ACLY: variants seen among roughly 807,000 people sequenced by gnomAD.
ACLY encodes ATP citrate lyase.
Under a neutral mutation model 133.0 loss-of-function variants are expected in ACLY, and 41 were observed. That is an observed-to-expected ratio of 0.31 (90% confidence interval 0.24 to 0.40). The LOEUF (loss-of-function observed/expected upper bound fraction) is 0.40. Ranked by LOEUF, ACLY falls within the 10% of genes least tolerant of loss-of-function variation. The pLI, the probability that ACLY is intolerant of heterozygous loss-of-function variation, is 1.00. For missense variants in ACLY, 1,046 were observed against 1,453.8 expected, an observed-to-expected ratio of 0.72 and a Z score of 4.56; for synonymous variants, 495 against 549.3, an observed-to-expected ratio of 0.90 and a Z score of 1.38.
At chr17:41,905,751 A>AAGATC (rs1555632537) in intron 8 of ACLY, 93 bp from the exon 9 acceptor site, 2 of 1,506,264 alleles carry the variant, frequency 1.3e-6, no homozygotes, top group East Asian at 4.5e-5. Flanking sequence ...CCCTCAAAAC[A>AAGATC]CTGGAGTTAG....
At chr17:41,925,021 G>T (rs565608889) in intron 1 of ACLY, among the ~76,000 whole-genome samples, 1 of 127,118 alleles carries the variant, frequency 7.9e-6, no homozygotes, top group African/African-American at 2.7e-5. Flanking sequence ...ACTTATCTCT[G>T]AATGAGTTTA....
intron 22 of ACLY, among the ~76,000 whole-genome samples, chr17:41,875,749 T>C (rs1441446308): frequency 2.0e-5 from 3 of 152,236 alleles, no homozygotes; most frequent in Admixed American, 2.0e-4. Flanking sequence ...CAGTGCTCAA[T>C]GGTGCCCAGG....
intron 10 of ACLY, among the ~76,000 whole-genome samples, chr17:41,902,405 G>C (rs137883820): frequency 1.3e-5 from 2 of 152,270 alleles, no homozygotes; most frequent in African/African-American, 4.8e-5. Context: ...GTAGATATGA[G>C]GCTTCACCAT....
At chr17:41,887,893 C>T (rs1434365660) in intron 16 of ACLY, among the ~76,000 whole-genome samples, 190 bp from the exon 17 acceptor site, 1 of 151,872 alleles carries the variant, frequency 6.6e-6, no homozygotes, top group Non-Finnish European at 1.5e-5. Flanking sequence ...TTTGGGAGGC[C>T]GAGGAGGGTG....
chr17:41,920,590 C>CAAAAAA (rs57800581), upstream of ACLY, among the ~76,000 whole-genome samples: 1 of 73,998 alleles, frequency 1.4e-5, no homozygotes. Flanking sequence ...GATTCTATCT[C>CAAAAAA]AAAAAAAAAA....
Position 41,867,553 on chromosome 17 carries a change from C to T in ACLY, c.*257G>A. 3.6e-6 allele frequency: 1 copy of T among 275,412 alleles called. No individual in the cohort carries two copies. The highest frequency in any genetic ancestry group is 5.2e-5 in the Admixed American group (1 of 19,104). The allele number at this position is 275,412 out of a possible 1,614,324, so 17.1% of individuals were successfully genotyped here. A position where few individuals can be genotyped will look rare whatever the true frequency, so the allele number is the denominator to read the frequency against. On this transcript the variant is annotated 3_prime_UTR_variant, in exon 29 of 29. Coordinates refer to ENST00000352035, the MANE Select transcript of ACLY (RefSeq NM_001096.3). ...CTTAGATGCTTCCATATAATAAATA[C>T]AGCAGGTAGCAGAGCAAAGTCACAA... is the stretch of plus-strand genomic sequence containing the variant.
intron 21 of ACLY, 80 bp downstream of exon 21, chr17:41,878,717 C>T: frequency 6.4e-7 from 1 of 1,560,804 alleles, no homozygotes; most frequent in South Asian, 1.1e-5. Context: ...TACATGATGT[C>T]CCTGTGTGGG....
intron 1 of ACLY, among the ~76,000 whole-genome samples, chr17:41,916,148 A>G (rs1354004287): frequency 1.3e-5 from 2 of 152,192 alleles, no homozygotes; most frequent in Non-Finnish European, 2.9e-5. Context: ...AGGAGAGAAG[A>G]CACAATGGGA....
chr17:41,880,951 G>A lies in ACLY; in HGVS notation c.2266-2027C>T, dbSNP rs186026515. On this transcript the variant is annotated intron_variant, in intron 20 of 28. Coordinates refer to ENST00000352035, the MANE Select transcript of ACLY (RefSeq NM_001096.3). Reference sequence around the variant, plus strand: ...TGAGTGCCACCAGATACTGAAATGCGAGGTGCTCACCCTCTTAGAAGTGTC... The same window carrying A: ...TGAGTGCCACCAGATACTGAAATGCAAGGTGCTCACCCTCTTAGAAGTGTC... Among the ~76,000 whole-genome samples the A allele has an allele frequency of 2.9e-4, 44 of 151,810 alleles. No individual in the cohort carries two copies. In the East Asian group the frequency reaches 7.0e-3, roughly 24 times the overall value.
At position 41,898,748 on chromosome 17, in the gene ACLY, T is replaced by C. The variant is rs782000086; in HGVS notation, c.1221A>G (p.Thr407=). ...CCACAATGGCCGTCATGTGAGTCTC[T>C]GTGCCAAAGACATGGATGGGGATCC... is the stretch of plus-strand genomic sequence containing the variant. ...TTGIPIHVFG[T]ETHMTAIVGM... Residue 407 remains threonine, a synonymous_variant, in exon 12 of 29, where the codon ACA becomes ACG. Transcript: ENST00000352035. The C allele has an allele frequency of 1.2e-6, 2 of 1,614,062 alleles. No homozygotes were observed. Among genetic ancestry groups the C allele is most frequent in the Non-Finnish European group, 1.7e-6 (2 of 1,179,978 alleles).
At chr17:41,888,743 T>G (rs973802994) in intron 16 of ACLY, among the ~76,000 whole-genome samples, 1 of 152,014 alleles carries the variant, frequency 6.6e-6, no homozygotes, top group Non-Finnish European at 1.5e-5. Context: ...CCCAGGAGGT[T>G]GAGGCTACAG....
At chr17:41,900,429 G>A (rs1387219461) in intron 11 of ACLY, among the ~76,000 whole-genome samples, 1 of 151,750 alleles carries the variant, frequency 6.6e-6, no homozygotes, top group Non-Finnish European at 1.5e-5. Flanking sequence ...AAGTCAAATT[G>A]TGTCACTTGG....
intron 22 of ACLY, among the ~76,000 whole-genome samples, chr17:41,876,228 G>A (rs1482604170): frequency 3.3e-5 from 5 of 150,954 alleles, no homozygotes; most frequent in African/African-American, 7.3e-5. Context: ...CAGCCACCCC[G>A]TCCGGGAGGG....
intron 11 of ACLY, among the ~76,000 whole-genome samples, chr17:41,900,367 T>TA (rs1419522329): frequency 8.4e-5 from 8 of 94,864 alleles, no homozygotes; most frequent in Admixed American, 1.4e-4. Flanking sequence ...CATCTCAAAA[T>TA]AAAAAAAAAA....
Position 41,872,177 on chromosome 17 carries a change from G to A in ACLY, c.2648C>T (p.Pro883Leu). Residue 883 changes from proline (P) to leucine (L), a missense_variant, in exon 24 of 29, where the codon CCT (proline) becomes CTT (leucine). Pro to Leu is a moderately conservative substitution (Grantham distance 98). Around this residue, in one of 4 missense-constraint regions of ACLY, gnomAD observed 205 missense variants for 373.3 expected, o/e 0.55. Transcript: ENST00000352035. ...CTCAATGAACTGGCAAGAGTACTTA[G>A]GCAACCTGGAGTGGGGGGAACAAAG... ...LGLLWFQKRL[P>L]KYSCQFIEMC... The A allele has an allele frequency of 6.2e-7, 1 of 1,613,234 alleles. No individual in the cohort carries two copies. The highest frequency in any genetic ancestry group is 8.5e-7 in the Non-Finnish European group (1 of 1,179,938).
chr17:41,889,100 G>A (rs1395848272), intron 16 of ACLY, among the ~76,000 whole-genome samples: 2 of 152,048 alleles, frequency 1.3e-5, no homozygotes, highest in African/African-American at 4.8e-5. Context: ...CCTGGGCAAT[G>A]AGAGCAAAAC....
At position 41,905,486 on chromosome 17, in the gene ACLY, A is replaced by T. The variant is rs781918417; in HGVS notation, c.1003+36T>A. The T allele has an allele frequency of 4.3e-6, 7 of 1,613,344 alleles. 1 individual carries two copies. In the South Asian group the frequency reaches 7.7e-5, roughly 18 times the overall value. The stretch of plus-strand genomic sequence containing the variant: ...GCAGCCTGCTGGGCTGTCCTGGGGA[A>T]GTGGGGACAGGTATGTGTGTGTGCA... On this transcript the variant is annotated intron_variant, in intron 9 of 28. Coordinates refer to ENST00000352035, the MANE Select transcript of ACLY (RefSeq NM_001096.3).
intron 27 of ACLY, 79 bp from the exon 28 acceptor site, chr17:41,868,864 A>G (rs1489311204): frequency 6.7e-7 from 1 of 1,484,046 alleles, no homozygotes. Context: ...ACTACTGCCC[A>G]AGAATGAGAA....
In ACLY at chr17:41,871,852, G is replaced by T. The variant is rs181080963; in HGVS notation, c.2794-20C>A. On this transcript the variant is annotated intron_variant, in intron 24 of 28. Transcript: ENST00000352035. The stretch of plus-strand genomic sequence containing the variant: ...ATCCCCCTGGAGGAGAAACAAGTGC[G>T]TGTTGCCTTGAGCTTTAAGAGTTTC... 7.4e-6 allele frequency: 12 copies of T among 1,613,056 alleles called. No homozygotes were observed. Among genetic ancestry groups the T allele is most frequent in the Middle Eastern group, 1.7e-4 (1 of 6,032 alleles).
Sources: allele counts gnomAD v4.1 joint callset (sites outside exome capture counted in the v4.1 genomes callset), GRCh38; gene constraint gnomAD v4.1.1; regional missense constraint gnomAD v4.1.1; transcripts MANE v1.5; gene names NCBI Gene and HGNC (gene_info 2026-07-23, HGNC 2026-07-21).